The following ADAMTSL1 variants were observed in gnomAD, a reference collection of about 807,000 sequenced individuals.
ADAMTSL1 encodes ADAMTS-like protein 1.
A neutral mutation model predicts 201.8 loss-of-function variants in ADAMTSL1; 126 were observed. The ratio of observed to expected loss-of-function variants is 0.62; its 90% confidence interval spans 0.54 to 0.72. The LOEUF (loss-of-function observed/expected upper bound fraction) is 0.72, where lower values mean the gene tolerates loss of function less well. Among genes scored for constraint, ADAMTSL1 ranks in the 30% least tolerant of loss-of-function variants. ADAMTSL1 has a pLI of 0.00. For synonymous variants in ADAMTSL1, 1,121 were observed against 903.4 expected (o/e 1.24, Z -4.32); for missense variants, 2,679 against 2,277.8 (o/e 1.18, Z -3.59).
At chr9:18,639,126 A>G (rs1211688450) in intron 6 of ADAMTSL1, 128 bp from the exon 7 acceptor site, 1 of 842,906 alleles carries the variant, frequency 1.2e-6, no homozygotes, top group Non-Finnish European at 1.9e-6. Flanking sequence ...CACAATTTCA[A>G]TTTTGTCAGC....
intron 2 of ADAMTSL1, among the ~76,000 whole-genome samples, chr9:18,166,026 G>A (rs894679057): frequency 6.6e-6 from 1 of 151,838 alleles, no homozygotes; most frequent in African/African-American, 2.4e-5. Flanking sequence ...AAACCTTCCT[G>A]GTATAGGTCA....
chr9:18,871,245 A>C (rs1254497901), intron 23 of ADAMTSL1, among the ~76,000 whole-genome samples: 1 of 152,192 alleles, frequency 6.6e-6, no homozygotes. Flanking sequence ...TTATTTTCAT[A>C]AACAAATGAA....
chr9:18,369,101 G>C (rs984076116), intron 2 of ADAMTSL1, among the ~76,000 whole-genome samples: 1 of 152,114 alleles, frequency 6.6e-6, no homozygotes, highest in African/African-American at 2.4e-5. Flanking sequence ...ATTAACTATA[G>C]TTTATATAGA....
At chr9:18,016,695 A>G (rs1448562411) in intron 1 of ADAMTSL1, among the ~76,000 whole-genome samples, 1 of 152,062 alleles carries the variant, frequency 6.6e-6, no homozygotes, top group Non-Finnish European at 1.5e-5. Context: ...CCCATGTCCC[A>G]TCAAGGTGCC....
chr9:18,634,853 A>G (rs1448728601), intron 5 of ADAMTSL1, among the ~76,000 whole-genome samples: 1 of 94,306 alleles, frequency 1.1e-5, no homozygotes, highest in Admixed American at 1.4e-4. Flanking sequence ...AAAAAAGAAT[A>G]TGTAAATATA....
At chr9:18,109,909 T>G (rs971446860) in intron 1 of ADAMTSL1, among the ~76,000 whole-genome samples, 1 of 152,210 alleles carries the variant, frequency 6.6e-6, no homozygotes. Flanking sequence ...TACCATATGT[T>G]CTTTCATAAG....
intron 9 of ADAMTSL1, 140 bp downstream of exon 9, chr9:18,662,213 A>G (rs1437847536): frequency 8.7e-7 from 1 of 1,147,162 alleles, no homozygotes; most frequent in Non-Finnish European, 1.2e-6. Context: ...TTCATTACTA[A>G]TCACGTGTTA....
intron 1 of ADAMTSL1, among the ~76,000 whole-genome samples, chr9:18,004,350 T>A (rs1474907045): frequency 1.3e-5 from 2 of 151,990 alleles, no homozygotes; most frequent in African/African-American, 4.8e-5. Flanking sequence ...TCTGGCTGCT[T>A]CCATAGGAAG....
At chr9:18,371,437 C>A (rs1837037382) in intron 2 of ADAMTSL1, among the ~76,000 whole-genome samples, 1 of 152,146 alleles carries the variant, frequency 6.6e-6, no homozygotes, top group Non-Finnish European at 1.5e-5. Context: ...ACACTAGACA[C>A]AAGAGGGAGG....
At chr9:18,187,018 T>C (rs905176509) in intron 2 of ADAMTSL1, among the ~76,000 whole-genome samples, 5 of 152,176 alleles carry the variant, frequency 3.3e-5, no homozygotes, top group Non-Finnish European at 5.9e-5. Flanking sequence ...AGTGGAAAGA[T>C]AGCACTAGTG....
intron 2 of ADAMTSL1, among the ~76,000 whole-genome samples, chr9:18,315,790 G>A (rs1834365619): frequency 6.6e-6 from 1 of 152,206 alleles, no homozygotes; most frequent in African/African-American, 2.4e-5. Context: ...GTGCAGCAGT[G>A]GGCTGCAGTG....
intron 1 of ADAMTSL1, among the ~76,000 whole-genome samples, chr9:17,926,007 T>C (rs1826511798): frequency 6.6e-6 from 1 of 152,160 alleles, no homozygotes; most frequent in African/African-American, 2.4e-5. Context: ...TTCATGTGCC[T>C]ATTATTTAGG....
intron 1 of ADAMTSL1, among the ~76,000 whole-genome samples, chr9:18,058,990 C>T (rs1822324178): frequency 6.6e-6 from 1 of 152,320 alleles, no homozygotes; most frequent in South Asian, 2.1e-4. Context: ...ATCAGAAAAG[C>T]ACATTCTCAT....
At chr9:18,280,781 C>T (rs1244448170) in intron 2 of ADAMTSL1, among the ~76,000 whole-genome samples, 1 of 151,996 alleles carries the variant, frequency 6.6e-6, no homozygotes, top group Non-Finnish European at 1.5e-5. Context: ...CTTAATTGTT[C>T]CAGTAGCTTT....
chr9:18,191,782 G>C (rs1828981688), intron 2 of ADAMTSL1, among the ~76,000 whole-genome samples: 1 of 152,130 alleles, frequency 6.6e-6, no homozygotes, highest in Non-Finnish European at 1.5e-5. Flanking sequence ...TATTATTCCA[G>C]TGACTTGTCT....
chr9:18,722,996 T>C (rs1423469630), intron 15 of ADAMTSL1: 1 of 777,856 alleles, frequency 1.3e-6, no homozygotes, highest in South Asian at 1.4e-5. Flanking sequence ...TCTATTTGAC[T>C]ACAGTCCTGT....
chr9:18,758,267 T>C (rs1206050334), intron 16 of ADAMTSL1, among the ~76,000 whole-genome samples: 1 of 152,226 alleles, frequency 6.6e-6, no homozygotes, highest in Admixed American at 6.5e-5. Context: ...TGTTAAACTG[T>C]GAAGACATCT....
chr9:18,582,878 A>G (rs1032651663), intron 4 of ADAMTSL1, among the ~76,000 whole-genome samples: 4 of 151,086 alleles, frequency 2.6e-5, no homozygotes, highest in African/African-American at 9.7e-5. Context: ...AAAATAAAAT[A>G]AAATAAAATA....
chr9:18,106,711 A>G (rs939289090), intron 1 of ADAMTSL1, among the ~76,000 whole-genome samples: 1 of 152,208 alleles, frequency 6.6e-6, no homozygotes, highest in Admixed American at 6.5e-5. Flanking sequence ...GGTTATTTTC[A>G]ATCAGTCACA....
Sources: gnomAD v4.1 joint callset for allele counts (sites outside exome capture counted in the v4.1 genomes callset) on GRCh38, gnomAD v4.1.1 for gene constraint, MANE v1.5 for transcripts, NCBI Gene and HGNC (gene_info 2026-07-23, HGNC 2026-07-21) for gene names.